ELP4: variants seen among roughly 807,000 people sequenced by gnomAD.
ELP4 encodes the protein elongator complex protein 4.
ELP4 carries 51 observed loss-of-function variants against 48.9 expected under a neutral mutation model. The observed-to-expected ratio is 1.04, with a 90% confidence interval of 0.83 to 1.32. The LOEUF (loss-of-function observed/expected upper bound fraction) is 1.32. ELP4 is among the 40% of genes most tolerant of loss of function. The pLI is 0.00. For synonymous variants in ELP4, 210 were observed against 189.2 expected, an observed-to-expected ratio of 1.11 and a Z score of -0.90; for missense variants, 519 against 514.6, an observed-to-expected ratio of 1.01 and a Z score of -0.08.
intron 9 of ELP4, among the ~76,000 whole-genome samples, chr11:31,700,641 G>T (rs570970612): frequency 3.9e-4 from 59 of 152,152 alleles, no homozygotes; most frequent in African/African-American, 1.2e-3. Context: ...GTCCTTGGAA[G>T]ACAGCTGGAA....
intron 9 of ELP4, among the ~76,000 whole-genome samples, chr11:31,724,017 T>A (rs374122593): frequency 3.3e-5 from 5 of 152,168 alleles, no homozygotes; most frequent in African/African-American, 1.2e-4. Context: ...TATGGATACT[T>A]CAAAAATTGC....
chr11:31,776,735 A>C (rs1035089786), intron 9 of ELP4, among the ~76,000 whole-genome samples: 1 of 152,226 alleles, frequency 6.6e-6, no homozygotes, highest in Admixed American at 6.5e-5. Context: ...AATTTTGTCT[A>C]ATTTTCAAAT....
chr11:31,586,437 A>T (rs1004117617), intron 3 of ELP4, among the ~76,000 whole-genome samples: 1 of 152,196 alleles, frequency 6.6e-6, no homozygotes, highest in Non-Finnish European at 1.5e-5. Flanking sequence ...TTGTTGAAGG[A>T]AGAGTTTTTC....
intron 9 of ELP4, among the ~76,000 whole-genome samples, chr11:31,655,653 A>C (rs1216557378): frequency 6.6e-6 from 1 of 152,006 alleles, no homozygotes; most frequent in African/African-American, 2.4e-5. Context: ...ACACAAAACA[A>C]GCTTACACGA....
At chr11:31,775,121 A>G (rs1948218094) in intron 9 of ELP4, among the ~76,000 whole-genome samples, 1 of 152,246 alleles carries the variant, frequency 6.6e-6, no homozygotes. Context: ...ATAAAGGACC[A>G]CATAATTATT....
chr11:31,724,228 G>A (rs554834312), intron 9 of ELP4, among the ~76,000 whole-genome samples: 16 of 152,252 alleles, frequency 1.1e-4, no homozygotes, highest in Admixed American at 6.5e-4. Flanking sequence ...ACTGGACTGG[G>A]AAGAGGAAGG....
At chr11:31,616,551 C>T (rs1035617974) in intron 5 of ELP4, among the ~76,000 whole-genome samples, 1 of 151,840 alleles carries the variant, frequency 6.6e-6, no homozygotes, top group Admixed American at 6.6e-5. Flanking sequence ...AAAGCACAAA[C>T]AATAAAAGCA....
Position 31,786,232 on chromosome 11 carries a change from G to A in ELP4, c.*2708G>A, listed in dbSNP as rs990434311. 4.8e-6 allele frequency: 1 copy of A among 208,334 alleles called. No homozygotes were observed. The highest frequency in any genetic ancestry group is 2.3e-5 in the African/African-American group (1 of 43,938). The allele number at this position is 208,334 out of a possible 1,614,324, so 12.9% of individuals were successfully genotyped here. ...TCCCTGTCCATCTTTTAACAAATCA[G>A]ACACACATAGGCATACAAAAGGAGA... On this transcript the variant is annotated 3_prime_UTR_variant, in exon 10 of 10. Coordinates refer to ENST00000640961, the MANE Select transcript of ELP4 (RefSeq NM_019040.5).
At chr11:31,545,781 A>G (rs557312804) in intron 3 of ELP4, among the ~76,000 whole-genome samples, 4 of 152,294 alleles carry the variant, frequency 2.6e-5, no homozygotes, top group African/African-American at 9.6e-5. Context: ...GTAACAGCGG[A>G]TCTCTCTGCA....
chr11:31,673,217 A>G (rs1422865501), intron 9 of ELP4, among the ~76,000 whole-genome samples: 3 of 152,088 alleles, frequency 2.0e-5, no homozygotes, highest in Admixed American at 6.6e-5. Context: ...GGGTTTCGCC[A>G]TGTTGGCCAG....
intron 9 of ELP4, among the ~76,000 whole-genome samples, chr11:31,757,449 C>T (rs1017640865): frequency 1.3e-5 from 2 of 151,986 alleles, no homozygotes. Context: ...AGCAGCCTGT[C>T]GTTTGGGAGC....
intron 3 of ELP4, among the ~76,000 whole-genome samples, chr11:31,563,935 G>A (rs978999018): frequency 6.6e-6 from 1 of 152,156 alleles, no homozygotes; most frequent in Non-Finnish European, 1.5e-5. Flanking sequence ...GATGTTATCT[G>A]TGATTGACAG....
intron 9 of ELP4, among the ~76,000 whole-genome samples, chr11:31,686,271 T>G (rs955557497): frequency 6.6e-6 from 1 of 151,808 alleles, no homozygotes; most frequent in Non-Finnish European, 1.5e-5. Flanking sequence ...TGAAACTAAT[T>G]TTTATTCTAG....
chr11:31,539,877 A>C, intron 3 of ELP4, 94 bp downstream of exon 3: 1 of 1,055,104 alleles, frequency 9.5e-7, no homozygotes, highest in Non-Finnish European at 1.3e-6. Flanking sequence ...GTATATATAC[A>C]AACTATATTT....
intron 9 of ELP4, among the ~76,000 whole-genome samples, chr11:31,763,781 G>A (rs1947994607): frequency 6.6e-6 from 1 of 151,422 alleles, no homozygotes; most frequent in Non-Finnish European, 1.5e-5. Context: ...TCTCTAACTT[G>A]TTCTCTGTCT....
chr11:31,680,642 C>G (rs1946034014), intron 9 of ELP4, among the ~76,000 whole-genome samples: 1 of 152,130 alleles, frequency 6.6e-6, no homozygotes. Context: ...AACGGTTTGA[C>G]AATTAAAATA....
chr11:31,682,042 A>G (rs957896693), intron 9 of ELP4: 1 of 1,292,272 alleles, frequency 7.7e-7, no homozygotes, highest in Non-Finnish European at 1.0e-6. Flanking sequence ...CGCCCGGCCT[A>G]GGGCTTTGTA....
At chr11:31,579,388 G>A (rs559282512) in intron 3 of ELP4, among the ~76,000 whole-genome samples, 9 of 152,236 alleles carry the variant, frequency 5.9e-5, no homozygotes, top group African/African-American at 2.2e-4. Flanking sequence ...GATTCCTCAA[G>A]GATCTAGAAC....
At chr11:31,717,686 G>A (rs534564303) in intron 9 of ELP4, among the ~76,000 whole-genome samples, 12 of 151,880 alleles carry the variant, frequency 7.9e-5, no homozygotes, top group Middle Eastern at 3.4e-3. Flanking sequence ...CCCAGGAGGC[G>A]GTGGTTGCAA....
Sources: gnomAD v4.1 joint callset for allele counts (sites outside exome capture counted in the v4.1 genomes callset) on GRCh38, gnomAD v4.1.1 for gene constraint, MANE v1.5 for transcripts, NCBI Gene and HGNC (gene_info 2026-07-23, HGNC 2026-07-21) for gene names.